The following DLGAP2 variants were observed in gnomAD, a reference collection of about 807,000 sequenced individuals.
DLGAP2 encodes DLG associated protein 2.
Under a neutral mutation model 100.3 loss-of-function variants are expected in DLGAP2, and 26 were observed. The observed-to-expected ratio is 0.26, with a 90% confidence interval of 0.19 to 0.36. The LOEUF (loss-of-function observed/expected upper bound fraction) is 0.36, where lower values mean the gene tolerates loss of function less well. DLGAP2 is among the 10% of genes least tolerant of loss of function. The probability of loss-of-function intolerance (pLI) is 1.00; values close to 1 mark genes in which losing one functional copy is unlikely to be tolerated. For missense variants in DLGAP2, 1,858 were observed against 1,453.2 expected, an observed-to-expected ratio of 1.28 and a Z score of -4.53; for synonymous variants, 886 against 630.1, an observed-to-expected ratio of 1.41 and a Z score of -6.08.
intron 6 of DLGAP2, among the ~76,000 whole-genome samples, chr8:1,572,752 T>C (rs1300633840): frequency 1.2e-5 from 1 of 80,070 alleles, no homozygotes; most frequent in Non-Finnish European, 2.3e-5. Context: ...GGGCGTCTGA[T>C]GAGATGGAGA....
intron 5 of DLGAP2, among the ~76,000 whole-genome samples, chr8:1,561,686 GCGCCTCGTTAC>G (rs1802166686): frequency 5.3e-5 from 8 of 151,508 alleles, no homozygotes; most frequent in Admixed American, 1.3e-4. Context: ...TTGGGTGTCC[GCGCCTCGTTAC>G]TGGGGGACTG....
chr8:1,140,687 C>A (rs1446567687), intron 2 of DLGAP2, among the ~76,000 whole-genome samples: 1 of 152,172 alleles, frequency 6.6e-6, no homozygotes, highest in Non-Finnish European at 1.5e-5. Flanking sequence ...AATTCCCTGC[C>A]TTGGCCGGGC....
At chr8:1,261,785 G>C (rs751956322) in intron 3 of DLGAP2, among the ~76,000 whole-genome samples, 1 of 152,252 alleles carries the variant, frequency 6.6e-6, no homozygotes, top group Non-Finnish European at 1.5e-5. Flanking sequence ...TAAGTAATTA[G>C]TCTAAGTGAG....
intron 12 of DLGAP2, chr8:1,678,847 T>G (rs1258363277): frequency 2.0e-6 from 1 of 497,096 alleles, no homozygotes; most frequent in African/African-American, 2.0e-5. Flanking sequence ...TTGTGTGTGT[T>G]TTGTCAGGTA....
chr8:1,172,750 C>G (rs934299461), intron 2 of DLGAP2, among the ~76,000 whole-genome samples: 74 of 152,176 alleles, frequency 4.9e-4, no homozygotes, highest in Non-Finnish European at 6.9e-4. Flanking sequence ...CCTTTAAGCA[C>G]TTCTCTGTAT....
chr8:1,695,937 G>A (rs774201317), intron 13 of DLGAP2, among the ~76,000 whole-genome samples: 60 of 152,228 alleles, frequency 3.9e-4, no homozygotes, highest in Non-Finnish European at 6.8e-4. Flanking sequence ...AGTGCCTGGG[G>A]GGGCTTTGAG....
At chr8:1,614,117 G>T (rs1797072162) in intron 6 of DLGAP2, among the ~76,000 whole-genome samples, 1 of 152,138 alleles carries the variant, frequency 6.6e-6, no homozygotes, top group South Asian at 2.1e-4. Context: ...AGCGGTGACT[G>T]AGCCCTCGTA....
At chr8:1,445,662 C>G (rs1312862480) in intron 3 of DLGAP2, among the ~76,000 whole-genome samples, 1 of 152,144 alleles carries the variant, frequency 6.6e-6, no homozygotes. Context: ...GAGGAATTGC[C>G]ACACTGACTT....
intron 3 of DLGAP2, among the ~76,000 whole-genome samples, chr8:1,299,486 A>T (rs1800279127): frequency 6.6e-6 from 1 of 152,248 alleles, no homozygotes; most frequent in African/African-American, 2.4e-5. Flanking sequence ...TAGGAATGCC[A>T]GGTTGCATGA....
intron 4 of DLGAP2, among the ~76,000 whole-genome samples, chr8:1,508,861 A>G (rs10088143): frequency 0.46 from 69,704 of 151,284 alleles, 16,710 homozygotes; most frequent in South Asian, 0.67. Context: ...TAGGATCTCC[A>G]GAGGGGATCA....
intron 3 of DLGAP2, among the ~76,000 whole-genome samples, chr8:1,438,834 A>T (rs1188229514): frequency 6.6e-6 from 1 of 152,266 alleles, no homozygotes; most frequent in Non-Finnish European, 1.5e-5. Context: ...TTTCCTGAGC[A>T]GAATCTGGTT....
intron 3 of DLGAP2, among the ~76,000 whole-genome samples, chr8:1,433,184 G>C (rs1405854785): frequency 6.6e-6 from 1 of 152,218 alleles, no homozygotes; most frequent in African/African-American, 2.4e-5. Flanking sequence ...TGCGGGACTT[G>C]GGTTCCATGA....
At chr8:935,340 C>T (rs967349875) in intron 2 of DLGAP2, among the ~76,000 whole-genome samples, 1 of 152,134 alleles carries the variant, frequency 6.6e-6, no homozygotes. Flanking sequence ...CCAGGATGCC[C>T]GGCTCCTCAG....
At chr8:1,374,955 G>A in intron 3 of DLGAP2, among the ~76,000 whole-genome samples, 1 of 151,646 alleles carries the variant, frequency 6.6e-6, no homozygotes, top group Non-Finnish European at 1.5e-5. Context: ...ACTGACAGCA[G>A]GTGGTCGATC....
intron 3 of DLGAP2, among the ~76,000 whole-genome samples, chr8:1,334,359 C>G (rs1053142950): frequency 6.6e-6 from 1 of 152,162 alleles, no homozygotes; most frequent in Non-Finnish European, 1.5e-5. Context: ...CCACCTGTCA[C>G]CAACCCAAAA....
intron 2 of DLGAP2, among the ~76,000 whole-genome samples, chr8:998,221 C>T (rs1304235922): frequency 6.6e-6 from 1 of 152,244 alleles, no homozygotes; most frequent in Non-Finnish European, 1.5e-5. Context: ...TGCATGCATG[C>T]ACACACGGGT....
intron 3 of DLGAP2, among the ~76,000 whole-genome samples, chr8:1,387,990 C>T (rs1437328215): frequency 6.6e-6 from 1 of 152,200 alleles, no homozygotes; most frequent in Non-Finnish European, 1.5e-5. Context: ...TGAGCAAACA[C>T]GGTGGGCGCA....
intron 3 of DLGAP2, among the ~76,000 whole-genome samples, chr8:1,354,037 G>A (rs763378301): frequency 6.6e-6 from 1 of 152,170 alleles, no homozygotes; most frequent in Non-Finnish European, 1.5e-5. Context: ...GCTGTTTATA[G>A]AAGGATGAAT....
chr8:1,020,763 G>A (rs966000955), intron 2 of DLGAP2, among the ~76,000 whole-genome samples: 3 of 152,190 alleles, frequency 2.0e-5, no homozygotes, highest in Non-Finnish European at 4.4e-5. Context: ...ACAGAACCCA[G>A]GGCACAGAGG....
Sources: gnomAD v4.1 joint callset for allele counts (sites outside exome capture counted in the v4.1 genomes callset) on GRCh38, gnomAD v4.1.1 for gene constraint, MANE v1.5 for transcripts, NCBI Gene and HGNC (gene_info 2026-07-23, HGNC 2026-07-21) for gene names.